Variants in SLC44A1 observed in about 807,000 individuals in gnomAD.
The protein encoded by SLC44A1 is choline transporter-like protein 1.
In SLC44A1, 26 loss-of-function variants were observed where a neutral mutation model predicts 79.3. The ratio of observed to expected loss-of-function variants is 0.33; its 90% confidence interval spans 0.24 to 0.46. SLC44A1 has a LOEUF of 0.46. SLC44A1 is among the 20% of genes least tolerant of loss of function. SLC44A1 has a pLI of 1.00. For synonymous variants in SLC44A1, 263 were observed against 286.2 expected (o/e 0.92, Z 0.82); for missense variants, 688 against 798.1 (o/e 0.86, Z 1.66).
chr9:105,393,543 AAT>A lies in SLC44A1; in HGVS notation c.*4490_*4491del. On this transcript the variant is annotated 3_prime_UTR_variant, in exon 16 of 16. Transcript: ENST00000374720. ...TTAATCCAAGATTTAAATCTTTGAA[AAT>A]ATCTTTCTTATAGAAAACTTTAATG... is the stretch of plus-strand genomic sequence containing the variant. The A allele has an allele frequency of 1.1e-6, 1 of 925,182 alleles. No homozygotes were observed. Among genetic ancestry groups the A allele is most frequent in the Non-Finnish European group, 1.3e-6 (1 of 775,188 alleles). 57.3% of individuals were successfully genotyped at this position (925,182 alleles called of 1,614,324 possible). A position where few individuals can be genotyped will look rare whatever the true frequency, so the allele number is the denominator to read the frequency against.
intron 15 of SLC44A1, among the ~76,000 whole-genome samples, chr9:105,412,644 C>T (rs918774941): frequency 1.3e-5 from 2 of 152,112 alleles, no homozygotes; most frequent in African/African-American, 4.8e-5. Context: ...CTCTGTCACC[C>T]AGGCTGGAGT....
chr9:105,285,068 G>A (rs1830443368), intron 1 of SLC44A1, among the ~76,000 whole-genome samples: 1 of 152,116 alleles, frequency 6.6e-6, no homozygotes, highest in African/African-American at 2.4e-5. Flanking sequence ...CATTCATGTT[G>A]TAGCATGTGT....
In SLC44A1 at chr9:105,396,927, G is replaced by T; in HGVS notation, c.*7871G>T. On this transcript the variant is annotated 3_prime_UTR_variant, in exon 16 of 16. Transcript: ENST00000374720. Reference sequence around the variant, plus strand: ...TGTATTCATGTGGGGGAACAAACATGTAGGTGCTTGAACATGCCCCACAGA... The same window carrying T: ...TGTATTCATGTGGGGGAACAAACATTTAGGTGCTTGAACATGCCCCACAGA... The T allele has an allele frequency of 2.0e-6, 2 of 985,116 alleles. No homozygotes were observed. Among genetic ancestry groups the T allele is most frequent in the South Asian group, 9.4e-5 (2 of 21,276 alleles). The allele number at this position is 985,116 out of a possible 1,614,324, so 61.0% of individuals were successfully genotyped here. A position where few individuals can be genotyped will look rare whatever the true frequency, so the allele number is the denominator to read the frequency against.
rs114284553 is a variant in SLC44A1 at position 105,395,775 on chromosome 9, T to C, written c.*6719T>C. On this transcript the variant is annotated 3_prime_UTR_variant, in exon 16 of 16. Coordinates refer to ENST00000374720, the MANE Select transcript of SLC44A1 (RefSeq NM_080546.5). ...TTAAATCATATGAGTAAAAAAAAAG[T>C]AGACATTGAAAAGAAGACTTGGGAA... 1 of 984,586 alleles carries C rather than the reference T, an allele frequency of 1.0e-6. No individual in the cohort carries two copies. Among genetic ancestry groups the C allele is most frequent in the African/African-American group, 1.8e-5 (1 of 57,134 alleles). 61.0% of individuals were successfully genotyped at this position (984,586 alleles called of 1,614,324 possible). A position where few individuals can be genotyped will look rare whatever the true frequency, so the allele number is the denominator to read the frequency against.
intron 12 of SLC44A1, 46 bp from the exon 13 acceptor site, chr9:105,374,551 AG>A (rs1828215009): frequency 6.3e-7 from 1 of 1,582,340 alleles, no homozygotes. Flanking sequence ...ATCTTAACAA[AG>A]GAAGTTTCAA....
intron 13 of SLC44A1, 31 bp from the exon 14 acceptor site, chr9:105,383,092 T>G: frequency 6.7e-7 from 1 of 1,486,850 alleles, no homozygotes; most frequent in South Asian, 1.1e-5. Context: ...CAGTAGGATA[T>G]TAAATATGAT....
At chr9:105,247,056 A>G (rs1829471632) in intron 1 of SLC44A1, among the ~76,000 whole-genome samples, 1 of 149,740 alleles carries the variant, frequency 6.7e-6, no homozygotes, top group Admixed American at 6.6e-5. Context: ...TCAGTGGAGC[A>G]TTGAGGAGCA....
intron 7 of SLC44A1, among the ~76,000 whole-genome samples, chr9:105,360,606 G>T (rs1827750767): frequency 1.3e-5 from 2 of 152,152 alleles, no homozygotes; most frequent in Non-Finnish European, 2.9e-5. Context: ...ACCGGTGTTG[G>T]AGATTTAAAA....
At chr9:105,333,093 T>C (rs979505959) in intron 3 of SLC44A1, among the ~76,000 whole-genome samples, 1 of 152,158 alleles carries the variant, frequency 6.6e-6, no homozygotes, top group Non-Finnish European at 1.5e-5. Flanking sequence ...CAAAGGAATA[T>C]GTTTTAAGGT....
intron 15 of SLC44A1, among the ~76,000 whole-genome samples, chr9:105,406,848 A>G (rs1829035516): frequency 6.6e-6 from 1 of 152,246 alleles, no homozygotes; most frequent in Non-Finnish European, 1.5e-5. Context: ...TCAAAGACAC[A>G]AAGAAAGTGA....
At chr9:105,269,831 C>T (rs1402563573) in intron 1 of SLC44A1, among the ~76,000 whole-genome samples, 1 of 152,158 alleles carries the variant, frequency 6.6e-6, no homozygotes, top group African/African-American at 2.4e-5. Flanking sequence ...TCTGGACCAC[C>T]AGGGTGTGAA....
At chr9:105,432,640 A>C (rs1253681222) in intron 15 of SLC44A1, among the ~76,000 whole-genome samples, 1 of 152,196 alleles carries the variant, frequency 6.6e-6, no homozygotes, top group Non-Finnish European at 1.5e-5. Context: ...GAGATCCTAG[A>C]ATAGCAAGGT....
intron 1 of SLC44A1, among the ~76,000 whole-genome samples, chr9:105,255,290 A>G (rs187436288): frequency 9.9e-5 from 15 of 152,240 alleles, no homozygotes; most frequent in African/African-American, 3.4e-4. Flanking sequence ...ATCCTTTCAC[A>G]GCTGTAACTT....
At chr9:105,354,992 C>A (rs1262447803) in intron 5 of SLC44A1, among the ~76,000 whole-genome samples, 1 of 152,222 alleles carries the variant, frequency 6.6e-6, no homozygotes, top group Non-Finnish European at 1.5e-5. Context: ...ACATTTGTAT[C>A]ATTCCAGTTA....
chr9:105,324,601 A>G (rs1390020611), intron 3 of SLC44A1, among the ~76,000 whole-genome samples: 1 of 152,046 alleles, frequency 6.6e-6, no homozygotes, highest in African/African-American at 2.4e-5. Flanking sequence ...TTGTTGTAAT[A>G]TAATTTTTTC....
intron 15 of SLC44A1, among the ~76,000 whole-genome samples, chr9:105,433,665 T>C (rs1829428308): frequency 8.3e-6 from 1 of 120,518 alleles, no homozygotes; most frequent in Non-Finnish European, 1.7e-5. Flanking sequence ...ACCCATCTCC[T>C]AGAATTCTCA....
chr9:105,271,261 A>G (rs1830069589), intron 1 of SLC44A1, among the ~76,000 whole-genome samples: 1 of 152,202 alleles, frequency 6.6e-6, no homozygotes, highest in Admixed American at 6.5e-5. Flanking sequence ...TCTGTATAGC[A>G]TGGAATGATG....
At position 105,389,763 on chromosome 9, in the gene SLC44A1, A is replaced by G. The variant is rs912435240; in HGVS notation, c.*707A>G. 1.8e-5 allele frequency: 23 copies of G among 1,307,032 alleles called. No homozygotes were observed. In the African/African-American group the frequency reaches 3.3e-4, roughly 19 times the overall value. The allele number at this position is 1,307,032 out of a possible 1,614,324, so 81.0% of individuals were successfully genotyped here. ...AAGAAAAGGGTAGATAATCTTTCGTATGCAAACTTTTCCCTTATATTTTGT... is the reference window on the plus strand; with the variant it reads ...AAGAAAAGGGTAGATAATCTTTCGTGTGCAAACTTTTCCCTTATATTTTGT... On this transcript the variant is annotated 3_prime_UTR_variant, in exon 16 of 16. Transcript: ENST00000374720.
intron 1 of SLC44A1, among the ~76,000 whole-genome samples, chr9:105,246,294 GAA>G (rs1829445833): frequency 6.6e-6 from 1 of 151,696 alleles, no homozygotes; most frequent in African/African-American, 2.4e-5. Flanking sequence ...CTGTTAGAGA[GAA>G]AATGACTAGA....
Sources: allele counts gnomAD v4.1 joint callset (sites outside exome capture counted in the v4.1 genomes callset), GRCh38; gene constraint gnomAD v4.1.1; transcripts MANE v1.5; gene names NCBI Gene and HGNC (gene_info 2026-07-23, HGNC 2026-07-21).